ANK3: variants seen among roughly 807,000 people sequenced by gnomAD.
The protein encoded by ANK3 is ankyrin 3.
A neutral mutation model predicts 370.9 loss-of-function variants in ANK3; 57 were observed. The ratio of observed to expected loss-of-function variants is 0.15; its 90% CI spans 0.12 to 0.19. The LOEUF is 0.19. Ranked by LOEUF, ANK3 falls within the 10% of genes least tolerant of loss-of-function variation. The probability of loss-of-function intolerance (pLI) is 1.00; values close to 1 mark genes in which losing one functional copy is unlikely to be tolerated. For missense variants in ANK3, 4,439 were observed against 5,302.1 expected, an observed-to-expected ratio of 0.84 and a Z score of 5.06; for synonymous variants, 1,929 against 1,946.3, an observed-to-expected ratio of 0.99 and a Z score of 0.23.
intron 1 of ANK3, among the ~76,000 whole-genome samples, chr10:60,647,983 GACTACA>G (rs2078731996): frequency 6.6e-6 from 1 of 151,584 alleles, no homozygotes; most frequent in Admixed American, 6.6e-5. Flanking sequence ...GAGTAGCTGG[GACTACA>G]GGTGCCTGCC....
At chr10:60,465,776 C>CTTTTT (rs1002378251) in intron 2 of ANK3, among the ~76,000 whole-genome samples, 1 of 132,888 alleles carries the variant, frequency 7.5e-6, no homozygotes, top group Non-Finnish European at 1.6e-5. Flanking sequence ...TTTTCTTTTT[C>CTTTTT]TTTTTTTTCT....
intron 2 of ANK3, among the ~76,000 whole-genome samples, chr10:60,486,473 G>A (rs1470508430): frequency 1.3e-5 from 2 of 152,182 alleles, no homozygotes; most frequent in African/African-American, 4.8e-5. Context: ...CTAGCTACTT[G>A]GGATGCTGAG....
intron 28 of ANK3, among the ~76,000 whole-genome samples, chr10:60,100,262 C>T (rs1384593756): frequency 5.9e-5 from 2 of 33,710 alleles, no homozygotes; most frequent in African/African-American, 1.8e-4. Context: ...TTTTTGCACC[C>T]CAACCACAGT....
chr10:60,175,369 C>T (rs1217840094), intron 18 of ANK3, among the ~76,000 whole-genome samples: 4 of 152,216 alleles, frequency 2.6e-5, no homozygotes, highest in Non-Finnish European at 4.4e-5. Context: ...CATAAATACG[C>T]TCAGAGAGGT....
chr10:60,434,836 G>A (rs1196343845), intron 2 of ANK3, among the ~76,000 whole-genome samples: 1 of 152,162 alleles, frequency 6.6e-6, no homozygotes, highest in African/African-American at 2.4e-5. Flanking sequence ...TCTCCAAACT[G>A]AAAACTCAGT....
At chr10:60,498,525 AC>A (rs931648913) in intron 2 of ANK3, among the ~76,000 whole-genome samples, 4 of 152,132 alleles carry the variant, frequency 2.6e-5, no homozygotes, top group African/African-American at 9.7e-5. Flanking sequence ...AGTAGCTGGC[AC>A]CACAAGTGTG....
intron 2 of ANK3, among the ~76,000 whole-genome samples, chr10:60,481,861 T>C (rs1300722887): frequency 1.3e-5 from 2 of 152,224 alleles, no homozygotes; most frequent in Admixed American, 1.3e-4. Flanking sequence ...AACATTCATA[T>C]TGTCTTTATC....
At chr10:60,289,324 G>C (rs1415485536) in intron 1 of ANK3, among the ~76,000 whole-genome samples, 1 of 141,784 alleles carries the variant, frequency 7.1e-6, no homozygotes, top group Non-Finnish European at 1.5e-5. Context: ...CTGTATTCAA[G>C]CTCCTGGGCT....
chr10:60,231,585 C>T (rs770970279), intron 8 of ANK3, among the ~76,000 whole-genome samples: 5 of 152,160 alleles, frequency 3.3e-5, no homozygotes, highest in Non-Finnish European at 7.4e-5. Flanking sequence ...TATTTTTAGG[C>T]TTGCCCCCAT....
chr10:60,188,556 A>G (rs1032102922), intron 16 of ANK3, among the ~76,000 whole-genome samples: 3 of 152,190 alleles, frequency 2.0e-5, no homozygotes, highest in African/African-American at 2.4e-5. Context: ...CACAAACAAC[A>G]CAGAGGGTTT....
chr10:60,730,727 A>G (rs1368207455), intron 1 of ANK3, among the ~76,000 whole-genome samples: 4 of 152,240 alleles, frequency 2.6e-5, no homozygotes, highest in Non-Finnish European at 1.5e-5. Flanking sequence ...AGTTATGTGA[A>G]CAACAGCCCA....
intron 43 of ANK3, among the ~76,000 whole-genome samples, chr10:60,036,446 TTTTTTTTG>T (rs1485044787): frequency 9.1e-6 from 1 of 109,476 alleles, no homozygotes; most frequent in African/African-American, 3.3e-5. Context: ...TTTTTTTTTT[TTTTTTTTG>T]AGACGGAGTC....
intron 1 of ANK3, among the ~76,000 whole-genome samples, chr10:60,660,258 C>T (rs921357221): frequency 6.6e-6 from 1 of 152,086 alleles, no homozygotes; most frequent in African/African-American, 2.4e-5. Flanking sequence ...AATATACATA[C>T]CTCTGCATGA....
At chr10:60,683,872 A>T (rs904792172) in intron 1 of ANK3, among the ~76,000 whole-genome samples, 1 of 152,242 alleles carries the variant, frequency 6.6e-6, no homozygotes, top group Non-Finnish European at 1.5e-5. Context: ...TGCAGGAAGA[A>T]CAGAAGGATG....
intron 1 of ANK3, among the ~76,000 whole-genome samples, chr10:60,280,159 G>A (rs1037664379): frequency 6.6e-6 from 1 of 152,130 alleles, no homozygotes; most frequent in South Asian, 2.1e-4. Flanking sequence ...GAACTCCCGG[G>A]CTCAAGTGAT....
chr10:60,065,274 G>T (rs1267392538), intron 38 of ANK3, among the ~76,000 whole-genome samples: 1 of 152,188 alleles, frequency 6.6e-6, no homozygotes, highest in Non-Finnish European at 1.5e-5. Context: ...ATTAGTGGCT[G>T]CCTTGGAAGA....
In ANK3 at chr10:60,214,168, A is replaced by G. The variant is rs183731970; in HGVS notation, c.898-658T>C. 2.9e-4 allele frequency among the ~76,000 whole-genome samples: 44 copies of G among 152,278 alleles called. No homozygotes were observed. In the East Asian group the frequency reaches 8.3e-3, roughly 29 times the overall value. On this transcript the variant is annotated intron_variant, in intron 8 of 43. Coordinates refer to ENST00000280772, the MANE Select transcript of ANK3 (RefSeq NM_020987.5). ...TTAAAAATTTCTCTTTTAATTAGAT[A>G]TGCTTTTTTCACGACTAGTTTATGT...
Position 60,172,382 on chromosome 10 carries a change from T to C in ANK3, c.2404A>G (p.Ile802Val). 4 of 1,614,036 alleles carry C rather than the reference T, an allele frequency of 2.5e-6. No homozygotes were observed. The highest frequency in any genetic ancestry group is 1.3e-5 in the African/African-American group (1 of 75,052). ...LTVNGNTALG[I>V]ARRLGYISVV... ...GAGATGTAGCCGAGGCGCCGGGCAA[T>C]GCCAAGGGCAGTATTCCCATTCTGG... The change falls in exon 21 of 44, where the codon ATT (isoleucine) becomes GTT (valine). Residue 802 changes from isoleucine (I) to valine (V), a missense_variant. This residue lies in a region of ANK3 where 702 missense variants were observed against 941.5 expected (regional missense o/e 0.75). Coordinates refer to ENST00000280772, the MANE Select transcript of ANK3 (RefSeq NM_020987.5).
chr10:60,197,372 C>T (rs2096603254), intron 14 of ANK3, among the ~76,000 whole-genome samples: 1 of 152,180 alleles, frequency 6.6e-6, no homozygotes, highest in Admixed American at 6.5e-5. Flanking sequence ...CCAATCAGCA[C>T]ACTGTTGTGG....
Sources: gnomAD v4.1 joint callset for allele counts (sites outside exome capture counted in the v4.1 genomes callset) on GRCh38, gnomAD v4.1.1 for gene constraint, gnomAD v4.1.1 regional missense constraint, MANE v1.5 for transcripts, NCBI Gene and HGNC (gene_info 2026-07-23, HGNC 2026-07-21) for gene names.